TUBGCP2: variants seen among roughly 807,000 people sequenced by gnomAD.
TUBGCP2 encodes tubulin gamma complex component 2.
A neutral mutation model predicts 92.2 loss-of-function variants in TUBGCP2; 55 were observed. That is an observed-to-expected ratio of 0.60 (90% CI 0.48 to 0.75). The LOEUF (loss-of-function observed/expected upper bound fraction) is 0.75, where lower values mean the gene tolerates loss of function less well. Among genes scored for constraint, TUBGCP2 ranks in the 30% least tolerant of loss-of-function variants. The probability of loss-of-function intolerance (pLI) is 0.00; values close to 1 mark genes in which losing one functional copy is unlikely to be tolerated. For missense variants in TUBGCP2, 1,093 were observed against 1,188.9 expected (o/e 0.92, Z 1.19); for synonymous variants, 533 against 505.2 (o/e 1.06, Z -0.74).
rs778679619 is a variant in TUBGCP2 at position 133,279,921 on chromosome 10, A to G, written c.2574-20T>C. On this transcript the variant is annotated intron_variant, in intron 17 of 17. Transcript: ENST00000252936. ...TCAAGCCTGTGAGGAAGGACAGTGG[A>G]GCTGGGGTGCACACCCCTTCTGCGG... is the stretch of plus-strand genomic sequence containing the variant. The G allele has an allele frequency of 6.2e-7, 1 of 1,606,864 alleles. No individual in the cohort carries two copies. The highest frequency in any genetic ancestry group is 8.5e-7 in the Non-Finnish European group (1 of 1,177,184).
chr10:133,302,998 G>C lies in TUBGCP2; in HGVS notation c.-39-18C>G. On this transcript the variant is annotated intron_variant, in intron 1 of 17. Transcript: ENST00000252936. Reference sequence around the variant, plus strand: ...ATGTTCTCCTATAGGTAAGAAGACAGCTATTCATAAAATTCAAACTGTAGA... The same window carrying C: ...ATGTTCTCCTATAGGTAAGAAGACACCTATTCATAAAATTCAAACTGTAGA... 1 of 1,596,106 alleles carries C rather than the reference G, an allele frequency of 6.3e-7. No homozygotes were observed. The highest frequency in any genetic ancestry group is 8.6e-7 in the Non-Finnish European group (1 of 1,164,760).
upstream of TUBGCP2, chr10:133,309,301 A>C: frequency 6.7e-7 from 1 of 1,484,504 alleles, no homozygotes; most frequent in East Asian, 2.5e-5. Context: ...GGAGCGCGGG[A>C]TGACTGGGGC....
intron 1 of TUBGCP2, chr10:133,308,583 C>G (rs76864287): frequency 6.1e-6 from 1 of 162,618 alleles, no homozygotes; most frequent in Non-Finnish European, 1.3e-5. Flanking sequence ...ACACCCGGGA[C>G]GACCCGGAGG....
At chr10:133,307,561 A>G (rs193253857) in intron 1 of TUBGCP2, among the ~76,000 whole-genome samples, 7 of 152,244 alleles carry the variant, frequency 4.6e-5, no homozygotes, top group African/African-American at 1.4e-4. Context: ...CCTGGCCAAC[A>G]TGGTGAAAAC....
At chr10:133,297,617 A>T (rs1847520542) in intron 5 of TUBGCP2, among the ~76,000 whole-genome samples, 1 of 152,232 alleles carries the variant, frequency 6.6e-6, no homozygotes, top group Non-Finnish European at 1.5e-5. Flanking sequence ...CACAATTCTG[A>T]TGCCTGCAGG....
intron 17 of TUBGCP2, among the ~76,000 whole-genome samples, chr10:133,280,974 A>G (rs1387424486): frequency 2.1e-5 from 3 of 145,318 alleles, no homozygotes; most frequent in Non-Finnish European, 3.0e-5. Flanking sequence ...GGGCAGGGGC[A>G]GGTGCTGGAC....
upstream of TUBGCP2, chr10:133,309,694 G>A: frequency 1.3e-6 from 2 of 1,511,378 alleles, no homozygotes; most frequent in South Asian, 1.1e-5. Flanking sequence ...TTTATTGGAC[G>A]TCTCAAAGGG....
At chr10:133,301,275 G>A (rs966137754) in intron 2 of TUBGCP2, among the ~76,000 whole-genome samples, 1 of 151,990 alleles carries the variant, frequency 6.6e-6, no homozygotes, top group Non-Finnish European at 1.5e-5. Context: ...TTACTGGCAC[G>A]CACCACCACG....
chr10:133,298,006 T>A lies in TUBGCP2; in HGVS notation c.562A>T (p.Ile188Phe), dbSNP rs758996700. 3 of 1,614,038 alleles carry A rather than the reference T, an allele frequency of 1.9e-6. No individual in the cohort carries two copies. The highest frequency in any genetic ancestry group is 1.7e-6 in the Non-Finnish European group (2 of 1,179,956). Reference sequence around the variant, plus strand: ...CCAGCACCAATCAGGAAATCCCCGATCAGGGCAGGTCTCTCATACACCCAT... The same window carrying A: ...CCAGCACCAATCAGGAAATCCCCGAACAGGGCAGGTCTCTCATACACCCAT... ...PAWVYERPAL[I>F]GDFLIGAGIS... Residue 188 changes from isoleucine to phenylalanine, a missense_variant, in exon 5 of 18, where the codon ATC becomes TTC. This residue lies in a region of TUBGCP2 where 490 missense variants were observed against 488.5 expected (regional missense o/e 1.00). Transcript: ENST00000252936.
rs548174358 is a variant in TUBGCP2 at position 133,293,018 on chromosome 10, G to A, written c.1024+21C>T. 2.9e-5 allele frequency: 47 copies of A among 1,609,448 alleles called. 1 individual carries two copies. The South Asian group carries it at 5.1e-4, about 17-fold the overall frequency. ...CACCTGCCACCCACCACTGCCCCAT[G>A]CCCCCCGGGCGGGCACGCACCGAGG... On this transcript the variant is annotated intron_variant, in intron 7 of 17. Transcript: ENST00000252936.
chr10:133,309,493 C>T (rs1392220258), upstream of TUBGCP2: 1 of 1,602,334 alleles, frequency 6.2e-7, no homozygotes, highest in East Asian at 2.3e-5. Context: ...CTAGCCAGTG[C>T]TACTCCTGCG....
At chr10:133,302,262 CG>C in intron 2 of TUBGCP2, 1 of 165,372 alleles carries the variant, frequency 6.0e-6, no homozygotes, top group Admixed American at 5.9e-5. Context: ...CACCCAGGAA[CG>C]GGCACTCACC....
At position 133,282,373 on chromosome 10, in the gene TUBGCP2, C is replaced by A. The variant is rs369403848; in HGVS notation, c.2290-31G>T. The A allele has an allele frequency of 6.1e-5, 96 of 1,563,594 alleles. No homozygotes were observed. The African/African-American group carries it at 1.2e-3, about 20-fold the overall frequency. On this transcript the variant is annotated intron_variant, in intron 15 of 17. Transcript: ENST00000252936. Reference sequence around the variant, plus strand: ...GGGGGAGAGTCGCAAGGAAATGCTTCTGTTAGTTACAACCACAATGCTTTG... The same window carrying A: ...GGGGGAGAGTCGCAAGGAAATGCTTATGTTAGTTACAACCACAATGCTTTG...
upstream of TUBGCP2, chr10:133,309,170 C>A: frequency 7.3e-7 from 1 of 1,368,118 alleles, no homozygotes; most frequent in Non-Finnish European, 9.5e-7. Context: ...GGGCCGGAGC[C>A]TGGAGTGGGA....
At chr10:133,300,395 A>G (rs771129123) in intron 2 of TUBGCP2, 1 of 270,496 alleles carries the variant, frequency 3.7e-6, no homozygotes, top group Non-Finnish European at 7.1e-6. Context: ...GGCCAAAATA[A>G]CAAAACCCCA....
upstream of TUBGCP2, chr10:133,310,566 G>A (rs927142844): frequency 1.5e-5 from 7 of 466,000 alleles, no homozygotes; most frequent in East Asian, 1.3e-4. Context: ...CAGCGCCTCC[G>A]CACTCACACC....
chr10:133,290,777 A>G (rs542403159), intron 8 of TUBGCP2: 23 of 152,362 alleles, frequency 1.5e-4, no homozygotes, highest in Admixed American at 8.5e-4. Context: ...AGACATCTCC[A>G]CGTCATCATC....
At chr10:133,309,321 G>A (rs1391457890), upstream of TUBGCP2, 2 of 1,546,654 alleles carry the variant, frequency 1.3e-6, no homozygotes, top group Non-Finnish European at 1.8e-6. Flanking sequence ...CCACGGGTGT[G>A]GGCGAGGCCT....
At chr10:133,283,544 C>T (rs1232078118) in intron 14 of TUBGCP2, among the ~76,000 whole-genome samples, 1 of 152,242 alleles carries the variant, frequency 6.6e-6, no homozygotes, top group Non-Finnish European at 1.5e-5. Context: ...AAAGACGGCT[C>T]AGAGTCCCCC....
Sources: allele counts gnomAD v4.1 joint callset (sites outside exome capture counted in the v4.1 genomes callset), GRCh38; gene constraint gnomAD v4.1.1; regional missense constraint gnomAD v4.1.1; transcripts MANE v1.5; gene names NCBI Gene and HGNC (gene_info 2026-07-23, HGNC 2026-07-21).